The following EP400 variants were observed in gnomAD, a reference collection of about 807,000 sequenced individuals.
EP400 encodes the protein E1A-binding protein p400.
Under a neutral mutation model 354.1 loss-of-function variants are expected in EP400, and 105 were observed. The observed-to-expected ratio is 0.30, with a 90% CI of 0.25 to 0.35. EP400 has a LOEUF of 0.35. Among genes scored for constraint, EP400 ranks in the 10% least tolerant of loss-of-function variants. The probability of loss-of-function intolerance (pLI) is 1.00; values close to 1 mark genes in which losing one functional copy is unlikely to be tolerated. For synonymous variants in EP400, 1,646 were observed against 1,716.9 expected (o/e 0.96, Z 1.02); for missense variants, 3,280 against 4,121.0 (o/e 0.80, Z 5.59).
At chr12:131,987,983 C>CTTTTTTT in intron 7 of EP400, 93 bp downstream of exon 7, 1 of 268,418 alleles carries the variant, frequency 3.7e-6, no homozygotes, top group Non-Finnish European at 6.1e-6. Context: ...TCCAGACCCA[C>CTTTTTTT]TTTTTTTTTT....
rs557406739 is a variant in EP400, at chr12:132,079,945, G to A, written c.*2272G>A. 1 of 152,264 alleles carries A rather than the reference G, an allele frequency of 6.6e-6. No individual in the cohort carries two copies. Among genetic ancestry groups the A allele is most frequent in the African/African-American group, 2.4e-5 (1 of 41,534 alleles). 9.4% of individuals were successfully genotyped at this position (152,264 alleles called of 1,614,324 possible). ...ATTTTCTTGGCCTTCCCTTTTAAAG[G>A]TTAAAGTTTCTAACCTAAGAATTAA... On this transcript the variant is annotated 3_prime_UTR_variant, in exon 53 of 53. Coordinates refer to ENST00000389561, the MANE Select transcript of EP400 (RefSeq NM_015409.5).
At chr12:132,019,385 AG>A (rs1894049000) in intron 21 of EP400, among the ~76,000 whole-genome samples, 1 of 152,104 alleles carries the variant, frequency 6.6e-6, no homozygotes, top group South Asian at 2.1e-4. Flanking sequence ...TACATTGTAT[AG>A]GGGTTTTGAA....
intron 5 of EP400, 67 bp downstream of exon 5, chr12:131,982,545 A>C: frequency 5.3e-6 from 8 of 1,517,712 alleles, no homozygotes; most frequent in Non-Finnish European, 7.1e-6. Flanking sequence ...TGTGTGTTAG[A>C]CAGAGTGTCA....
In EP400 at chr12:132,060,871, G is replaced by A. The variant is rs1240142821; in HGVS notation, c.7885-1239G>A. Among the ~76,000 whole-genome samples the A allele has an allele frequency of 6.1e-5, 9 of 147,888 alleles. No homozygotes were observed. The South Asian group carries it at 1.3e-3, about 21-fold the overall frequency. ...AGAGGTTGCGGTGAGCCAAGATTGC[G>A]CCATTGCAGTGCAGCCTGGGCAACG... On this transcript the variant is annotated intron_variant, in intron 45 of 52. Transcript: ENST00000389561.
chr12:132,037,226 T>C (rs183872171), intron 30 of EP400, among the ~76,000 whole-genome samples: 47 of 152,230 alleles, frequency 3.1e-4, no homozygotes, highest in Non-Finnish European at 4.0e-4. Context: ...GGTCTGGTAG[T>C]GTACCGGGGT....
At chr12:131,985,703 G>A (rs1286838634) in intron 5 of EP400, among the ~76,000 whole-genome samples, 3 of 152,192 alleles carry the variant, frequency 2.0e-5, no homozygotes, top group Non-Finnish European at 4.4e-5. Flanking sequence ...CGCCTCTTGG[G>A]TTTAAGCAAT....
chr12:132,079,303 G>C lies in EP400; in HGVS notation c.*1630G>C, dbSNP rs1896320339. 1.3e-5 allele frequency: 2 copies of C among 152,264 alleles called. No individual in the cohort carries two copies. The highest frequency in any genetic ancestry group is 4.8e-5 in the African/African-American group (2 of 41,466). The allele number at this position is 152,264 out of a possible 1,614,324, so 9.4% of individuals were successfully genotyped here. ...GAAGAAATTAATCTTTTAGTTAGTT[G>C]AACATACCAAAGCAGAGGACTGGAA... On this transcript the variant is annotated 3_prime_UTR_variant, in exon 53 of 53. Transcript: ENST00000389561.
At chr12:131,986,011 G>C (rs949768837) in intron 5 of EP400, among the ~76,000 whole-genome samples, 1 of 152,004 alleles carries the variant, frequency 6.6e-6, no homozygotes, top group Non-Finnish European at 1.5e-5. Context: ...GTCTTGCTTC[G>C]TTGCCCAGGC....
intron 1 of EP400, among the ~76,000 whole-genome samples, chr12:131,955,448 A>G (rs978892031): frequency 6.6e-6 from 1 of 151,500 alleles, no homozygotes; most frequent in African/African-American, 2.4e-5. Flanking sequence ...ATGCCCGGCT[A>G]ATTTTGTATT....
intron 1 of EP400, among the ~76,000 whole-genome samples, chr12:131,950,271 C>G (rs1265333655): frequency 6.6e-6 from 1 of 152,072 alleles, no homozygotes; most frequent in Non-Finnish European, 1.5e-5. Flanking sequence ...CCCCGCAGGT[C>G]GCGCGATCCG....
chr12:132,007,022 G>A (rs1299618129), intron 15 of EP400, 145 bp downstream of exon 15: 5 of 836,964 alleles, frequency 6.0e-6, no homozygotes, highest in Non-Finnish European at 9.2e-6. Context: ...AGGCTCAGAA[G>A]TATTCATTTT....
In EP400 at chr12:132,018,956, G is replaced by T. The variant is rs537593684; in HGVS notation, c.4277+580G>T. 7.9e-4 allele frequency among the ~76,000 whole-genome samples: 121 copies of T among 152,350 alleles called. No homozygotes were observed. The Middle Eastern group carries it at 0.01, about 13-fold the overall frequency. ...ATTTGGAGATGAAGGGGCCAGCTCT[G>T]CAGACAGTCTTGTGATCCTTGCCAT... On this transcript the variant is annotated intron_variant, in intron 21 of 52. Transcript: ENST00000389561. The surrounding 1 kb of genome is among the most constrained non-coding windows in gnomAD (Gnocchi z 4.0).
intron 15 of EP400, among the ~76,000 whole-genome samples, chr12:132,007,936 C>T (rs992775716): frequency 1.7e-5 from 2 of 120,264 alleles, no homozygotes; most frequent in African/African-American, 3.3e-5. Context: ...AGGGTCCCTT[C>T]ACCTCCAGCG....
chr12:132,064,580 A>G lies in EP400; in HGVS notation c.8335-88A>G, dbSNP rs571119558. 157 of 1,516,100 alleles carry G rather than the reference A, an allele frequency of 1.0e-4. No homozygotes were observed. The African/African-American group carries it at 1.9e-3, about 18-fold the overall frequency. The allele number at this position is 1,516,100 out of a possible 1,614,324, so 93.9% of individuals were successfully genotyped here. On this transcript the variant is annotated intron_variant, in intron 47 of 52. Coordinates refer to ENST00000389561, the MANE Select transcript of EP400 (RefSeq NM_015409.5). ...GTGTCTGCTTTGGTATTTAATGGGC[A>G]GTAGAGGGGTGGCTTAGGAACAAGA...
chr12:131,987,666 C>G, intron 6 of EP400, 39 bp from the exon 7 acceptor site: 1 of 1,518,646 alleles, frequency 6.6e-7, no homozygotes, highest in South Asian at 1.3e-5. Context: ...ACACACTCAT[C>G]ACATGCCGAC....
chr12:132,062,243 T>C lies in EP400; in HGVS notation c.8018T>C (p.Val2673Ala). ...TTQGVRAVTS[V>A]TASAVVTTNL... is the part of the protein sequence containing the mutation. ...CAGGGTGTTCGAGCGGTCACTTCTG[T>C]GACAGCCTCGGCCGTGGTCACTACC... Residue 2673 changes from valine (V) to alanine (A), a missense_variant, in exon 46 of 53, where the codon GTG becomes GCG. By Grantham distance (64) the Val-to-Ala change is moderately conservative. This residue lies in a region of EP400 where 255 missense variants were observed against 295.9 expected (regional missense o/e 0.86). Coordinates refer to ENST00000389561, the MANE Select transcript of EP400 (RefSeq NM_015409.5). 1 of 1,614,216 alleles carries C rather than the reference T, an allele frequency of 6.2e-7. No individual in the cohort carries two copies. Among genetic ancestry groups the C allele is most frequent in the Non-Finnish European group, 8.5e-7 (1 of 1,180,040 alleles).
chr12:131,985,554 A>G (rs1353124480), intron 5 of EP400, among the ~76,000 whole-genome samples: 2 of 152,208 alleles, frequency 1.3e-5, no homozygotes, highest in African/African-American at 4.8e-5. Context: ...TAAGTCACAG[A>G]GTCGCAGCAG....
rs1593395588 is a variant in EP400 at position 132,079,192 on chromosome 12, A to G, written c.*1519A>G. On this transcript the variant is annotated 3_prime_UTR_variant, in exon 53 of 53. Transcript: ENST00000389561. Reference sequence around the variant, plus strand: ...AGGTTTCTGTGGACAGCGATACAGCAGGAGTCAGTGAAATCAACTGGGGAG... The same window carrying G: ...AGGTTTCTGTGGACAGCGATACAGCGGGAGTCAGTGAAATCAACTGGGGAG... The G allele has an allele frequency of 6.6e-6, 1 of 152,262 alleles. No individual in the cohort carries two copies. The highest frequency in any genetic ancestry group is 1.9e-4 in the East Asian group (1 of 5,202). The allele number at this position is 152,262 out of a possible 1,614,324, so 9.4% of individuals were successfully genotyped here.
chr12:131,994,793 C>T lies in EP400; in HGVS notation c.2738-74C>T. 1.5e-6 allele frequency: 2 copies of T among 1,309,488 alleles called. No individual in the cohort carries two copies. Among genetic ancestry groups the T allele is most frequent in the Non-Finnish European group, 2.2e-6 (2 of 917,046 alleles). The allele number at this position is 1,309,488 out of a possible 1,614,324, so 81.1% of individuals were successfully genotyped here. Reference sequence around the variant, plus strand: ...TAGCTATGCAAAATAATTTCGAAGCCTTATAGTGTGTAATGAGTAACAGAC... The same window carrying T: ...TAGCTATGCAAAATAATTTCGAAGCTTTATAGTGTGTAATGAGTAACAGAC... On this transcript the variant is annotated intron_variant, in intron 11 of 52. Transcript: ENST00000389561. The surrounding 1 kb of genome is among the most constrained non-coding windows in gnomAD (Gnocchi z 4.6).
Sources: gnomAD v4.1 joint callset for allele counts (sites outside exome capture counted in the v4.1 genomes callset) on GRCh38, gnomAD v4.1.1 for gene constraint, gnomAD v4.1.1 regional missense constraint, Gnocchi (gnomAD v3.1) non-coding constraint, MANE v1.5 for transcripts, NCBI Gene and HGNC (gene_info 2026-07-23, HGNC 2026-07-21) for gene names.